Variants in GAN observed in about 807,000 individuals in gnomAD.
GAN encodes epididymis secretory sperm binding protein.
A neutral mutation model predicts 71.3 loss-of-function variants in GAN; 48 were observed. The observed-to-expected ratio is 0.67, with a 90% CI of 0.53 to 0.86. The LOEUF (loss-of-function observed/expected upper bound fraction) is 0.86. GAN is among the 40% of genes least tolerant of loss of function. The pLI, the probability that GAN is intolerant of heterozygous loss-of-function variation, is 0.00. For missense variants in GAN, 928 were observed against 770.1 expected, an observed-to-expected ratio of 1.21 and a Z score of -2.43; for synonymous variants, 386 against 276.8, an observed-to-expected ratio of 1.39 and a Z score of -3.92.
intron 2 of GAN, 103 bp from the exon 3 acceptor site, chr16:81,354,302 A>T (rs1014912140): frequency 5.0e-6 from 4 of 798,754 alleles, no homozygotes; most frequent in Non-Finnish European, 8.6e-6. Context: ...ATTATCTTTG[A>T]TCTAAAATAA....
intron 1 of GAN, among the ~76,000 whole-genome samples, chr16:81,340,063 C>G (rs1228577775): frequency 1.3e-5 from 2 of 152,176 alleles, no homozygotes; most frequent in African/African-American, 4.8e-5. Context: ...TGTGTATCCT[C>G]TGCCACCTGC....
intron 1 of GAN, among the ~76,000 whole-genome samples, chr16:81,327,091 G>T (rs1475227073): frequency 1.3e-5 from 2 of 152,200 alleles, no homozygotes; most frequent in Non-Finnish European, 2.9e-5. Flanking sequence ...AGATGGCATG[G>T]TCAGCTCCCA....
chr16:81,332,767 C>T lies in GAN; in HGVS notation c.167+17487C>T, dbSNP rs184022902. On this transcript the variant is annotated intron_variant, in intron 1 of 10. Transcript: ENST00000648994. ...CTAGTCAGTTATTTTATAGAATATC[C>T]CTTGTCTTGGTTTTGTTTGGTTTCT... is the stretch of plus-strand genomic sequence containing the variant. Among the ~76,000 whole-genome samples the T allele has an allele frequency of 1.5e-3, 222 of 152,204 alleles. 1 individual carries two copies. Among genetic ancestry groups the T allele is most frequent in the Middle Eastern group, 3.4e-3 (1 of 294 alleles).
At chr16:81,350,599 T>C (rs1328231371) in intron 1 of GAN, among the ~76,000 whole-genome samples, 1 of 151,336 alleles carries the variant, frequency 6.6e-6, no homozygotes, top group African/African-American at 2.4e-5. Flanking sequence ...TACTGCAACC[T>C]CCATCTCCCA....
chr16:81,375,510 A>G (rs1455438793), intron 9 of GAN, among the ~76,000 whole-genome samples: 2 of 151,784 alleles, frequency 1.3e-5, no homozygotes, highest in Non-Finnish European at 2.9e-5. Flanking sequence ...TATTTTTTGT[A>G]AAGACAAGGT....
Position 81,388,724 on chromosome 16 carries a change from C to G in GAN, c.*11128C>G, listed in dbSNP as rs916268485. The G allele has an allele frequency of 6.6e-6, 1 of 152,344 alleles. No homozygotes were observed. Among genetic ancestry groups the G allele is most frequent in the Non-Finnish European group, 1.5e-5 (1 of 68,106 alleles). 9.4% of individuals were successfully genotyped at this position (152,344 alleles called of 1,614,324 possible). ...GGGGACCCTCCGTGTGGGTCCTCCTCTGTCCCTTTGCAGCTCGCATTCGCC... is the reference window on the plus strand; with the variant it reads ...GGGGACCCTCCGTGTGGGTCCTCCTGTGTCCCTTTGCAGCTCGCATTCGCC... On this transcript the variant is annotated 3_prime_UTR_variant, in exon 11 of 11. Transcript: ENST00000648994.
intron 1 of GAN, among the ~76,000 whole-genome samples, chr16:81,319,795 C>T (rs962910199): frequency 2.0e-5 from 3 of 151,898 alleles, no homozygotes; most frequent in Non-Finnish European, 4.4e-5. Flanking sequence ...TCATCATGAG[C>T]GACTTTTCTG....
chr16:81,353,461 T>C (rs1910373528), intron 2 of GAN, among the ~76,000 whole-genome samples: 3 of 152,324 alleles, frequency 2.0e-5, no homozygotes, highest in African/African-American at 7.2e-5. Flanking sequence ...ATGGAACATT[T>C]TCCCCTACTT....
intron 2 of GAN, among the ~76,000 whole-genome samples, chr16:81,353,996 G>C (rs112126176): frequency 1.3e-3 from 194 of 152,208 alleles, no homozygotes; most frequent in African/African-American, 4.4e-3. Flanking sequence ...TTCATAGGTG[G>C]GGAGGCAAGA....
At chr16:81,324,272 G>C (rs1909308909) in intron 1 of GAN, among the ~76,000 whole-genome samples, 1 of 152,164 alleles carries the variant, frequency 6.6e-6, no homozygotes, top group African/African-American at 2.4e-5. Flanking sequence ...GCATCCATGG[G>C]GGCTACCTGG....
intron 1 of GAN, among the ~76,000 whole-genome samples, chr16:81,344,566 A>C (rs1373881247): frequency 1.3e-5 from 2 of 152,208 alleles, no homozygotes; most frequent in Non-Finnish European, 2.9e-5. Context: ...CCGTATGCAG[A>C]AAACTGAAAC....
At chr16:81,335,862 G>T (rs1338815574) in intron 1 of GAN, among the ~76,000 whole-genome samples, 1 of 152,110 alleles carries the variant, frequency 6.6e-6, no homozygotes. Flanking sequence ...ATTGGTGGCA[G>T]AGAGAAATGA....
At chr16:81,369,016 T>C (rs927887711) in intron 9 of GAN, among the ~76,000 whole-genome samples, 2 of 152,216 alleles carry the variant, frequency 1.3e-5, no homozygotes, top group Non-Finnish European at 1.5e-5. Context: ...CTTTCACATA[T>C]CGTATACTCC....
rs182062546 is a variant in GAN, at chr16:81,374,580, A to G, written c.1503-2639A>G. On this transcript the variant is annotated intron_variant, in intron 9 of 10. Coordinates refer to ENST00000648994, the MANE Select transcript of GAN (RefSeq NM_022041.4). ...TTATTTATAGTATATGGATTCATGGATATTTATTTTATTTCCTGAGTTATA... is the reference window on the plus strand; with the variant it reads ...TTATTTATAGTATATGGATTCATGGGTATTTATTTTATTTCCTGAGTTATA... Among the ~76,000 whole-genome samples, 408 of 152,164 alleles carry G rather than the reference A, an allele frequency of 2.7e-3. 2 individuals carry two copies. Among genetic ancestry groups the G allele is most frequent in the Middle Eastern group, 0.01 (3 of 294 alleles).
In GAN at chr16:81,377,641, T is replaced by C. The variant is rs886052337; in HGVS notation, c.*45T>C. ...GCGAGATCCTGACCCAAGAGCACCA[T>C]AACATAGCTCCGAAAGGGAGAGCAG... On this transcript the variant is annotated 3_prime_UTR_variant, in exon 11 of 11. Coordinates refer to ENST00000648994, the MANE Select transcript of GAN (RefSeq NM_022041.4). 6.5e-6 allele frequency: 10 copies of C among 1,536,798 alleles called. No homozygotes were observed. The highest frequency in any genetic ancestry group is 9.0e-6 in the Non-Finnish European group (10 of 1,110,118).
Position 81,377,546 on chromosome 16 carries a change from C to T in GAN, c.1744C>T (p.Arg582Cys), listed in dbSNP as rs772385806. ...ACGCATTGCGAATTGCAAGCTTTTC[C>T]GCCTGCAGCTTCAGCAAGGCTTATT... Reference protein sequence around the residue: ...ALRIANCKLFRLQLQQGLFRI... With the variant: ...ALRIANCKLFCLQLQQGLFRI... Residue 582 changes from arginine to cysteine, a missense_variant, in exon 11 of 11, where the codon CGC becomes TGC. Transcript: ENST00000648994. 4 of 1,614,164 alleles carry T rather than the reference C, an allele frequency of 2.5e-6. No individual in the cohort carries two copies. The highest frequency in any genetic ancestry group is 1.7e-5 in the Admixed American group (1 of 60,028).
At position 81,382,225 on chromosome 16, in the gene GAN, C is replaced by G. The variant is rs1479840013; in HGVS notation, c.*4629C>G. 3.3e-5 allele frequency: 5 copies of G among 152,062 alleles called. No individual in the cohort carries two copies. Among genetic ancestry groups the G allele is most frequent in the South Asian group, 2.1e-4 (1 of 4,820 alleles). The allele number at this position is 152,062 out of a possible 1,614,324, so 9.4% of individuals were successfully genotyped here. On this transcript the variant is annotated 3_prime_UTR_variant, in exon 11 of 11. Transcript: ENST00000648994. ...AGGAGCAAGAACCAAAAGCAGAAGC[C>G]AGGTCTTTGGATTATCAGCTCACCA...
chr16:81,373,679 C>G lies in GAN; in HGVS notation c.1503-3540C>G, dbSNP rs140171866. Among the ~76,000 whole-genome samples, 309 of 152,288 alleles carry G rather than the reference C, an allele frequency of 2.0e-3. 1 individual carries two copies. The highest frequency in any genetic ancestry group is 6.8e-3 in the African/African-American group (283 of 41,554). On this transcript the variant is annotated intron_variant, in intron 9 of 10. Coordinates refer to ENST00000648994, the MANE Select transcript of GAN (RefSeq NM_022041.4). ...ATGTCTTTTTTCTCGGTTTCCAGAT[C>G]CAATCCAGGATTCTACCTTGCATTC...
intron 7 of GAN, 27 bp from the exon 8 acceptor site, chr16:81,364,947 T>A: frequency 6.2e-7 from 1 of 1,611,996 alleles, no homozygotes; most frequent in Non-Finnish European, 8.5e-7. Flanking sequence ...ATGTTGCCTC[T>A]CCCCCACCAT....
Sources: gnomAD v4.1 joint callset for allele counts (sites outside exome capture counted in the v4.1 genomes callset) on GRCh38, gnomAD v4.1.1 for gene constraint, MANE v1.5 for transcripts, NCBI Gene and HGNC (gene_info 2026-07-23, HGNC 2026-07-21) for gene names.